The following DTX1 variants were observed in gnomAD, a reference collection of about 807,000 sequenced individuals.
DTX1 encodes deltex E3 ubiquitin ligase 1, also known as E3 ubiquitin-protein ligase DTX1.
A neutral mutation model predicts 57.8 loss-of-function variants in DTX1; 26 were observed. The observed-to-expected ratio is 0.45, with a 90% CI of 0.33 to 0.62. The LOEUF (loss-of-function observed/expected upper bound fraction) is 0.62. Among genes scored for constraint, DTX1 ranks in the 20% least tolerant of loss-of-function variants. The pLI, the probability that DTX1 is intolerant of heterozygous loss-of-function variation, is 0.02. For missense variants in DTX1, 704 were observed against 895.3 expected (o/e 0.79, Z 2.73); for synonymous variants, 398 against 394.1 (o/e 1.01, Z -0.12).
chr12:113,088,394 A>G (rs532177663), intron 3 of DTX1, among the ~76,000 whole-genome samples: 1 of 152,356 alleles, frequency 6.6e-6, no homozygotes. Flanking sequence ...GTATGCACTC[A>G]TATATTTGAC....
At chr12:113,068,753 C>T (rs1463545413) in intron 2 of DTX1, among the ~76,000 whole-genome samples, 2 of 152,152 alleles carry the variant, frequency 1.3e-5, no homozygotes, top group East Asian at 1.9e-4. Context: ...ATCCCCCCGG[C>T]GCCATGTGAG....
chr12:113,095,219 G>T lies in DTX1; in HGVS notation c.1548+16G>T. The T allele has an allele frequency of 6.2e-7, 1 of 1,603,516 alleles. No homozygotes were observed. The highest frequency in any genetic ancestry group is 1.1e-5 in the South Asian group (1 of 90,396). ...AGGCATCCAGGTGGGCTCCCCTTCC[G>T]CCTCTCTGGCCCCCAGCCCCCACAC... On this transcript the variant is annotated intron_variant, in intron 8 of 9. Coordinates refer to ENST00000548759, the MANE Select transcript of DTX1 (RefSeq NM_004416.3).
chr12:113,087,494 G>C (rs982877529), intron 3 of DTX1, among the ~76,000 whole-genome samples: 4 of 152,216 alleles, frequency 2.6e-5, no homozygotes, highest in South Asian at 2.1e-4. Context: ...CCAGGACTGT[G>C]GGGGGAGGAG....
rs1950314296 is a variant in DTX1 at position 113,097,254 on chromosome 12, T to C, written c.*315T>C. On this transcript the variant is annotated 3_prime_UTR_variant, in exon 10 of 10. Coordinates refer to ENST00000548759, the MANE Select transcript of DTX1 (RefSeq NM_004416.3). ...TCATGCACGCACACCCACGTGCCTG[T>C]ACTTGCCCCCAGGCTGGAAGAGAAG... is the stretch of plus-strand genomic sequence containing the variant. 1 of 309,952 alleles carries C rather than the reference T, an allele frequency of 3.2e-6. No individual in the cohort carries two copies. The highest frequency in any genetic ancestry group is 9.6e-4 in the Middle Eastern group (1 of 1,038). 19.2% of individuals were successfully genotyped at this position (309,952 alleles called of 1,614,324 possible).
intron 2 of DTX1, among the ~76,000 whole-genome samples, chr12:113,062,346 A>G (rs139246816): frequency 6.6e-6 from 1 of 152,360 alleles, no homozygotes; most frequent in Non-Finnish European, 1.5e-5. Flanking sequence ...AGCATAGACA[A>G]TATGTAAGTG....
rs573755099 is a variant in DTX1, at chr12:113,060,246, C to T, written c.259+1795C>T. On this transcript the variant is annotated intron_variant, in intron 2 of 9. Coordinates refer to ENST00000548759, the MANE Select transcript of DTX1 (RefSeq NM_004416.3). ...TTATTTATTGATCTCTGCTGTGTGT[C>T]AATTTCTGTGCTAAGCACTGGAGTA... is the stretch of plus-strand genomic sequence containing the variant. 4.6e-5 allele frequency among the ~76,000 whole-genome samples: 7 copies of T among 152,248 alleles called. No homozygotes were observed. In the South Asian group the frequency reaches 1.5e-3, roughly 32 times the overall value.
At chr12:113,086,491 G>C (rs1399879390) in intron 3 of DTX1, among the ~76,000 whole-genome samples, 1 of 152,144 alleles carries the variant, frequency 6.6e-6, no homozygotes, top group East Asian at 1.9e-4. Flanking sequence ...CTCTGCATGA[G>C]AAGGGAACCA....
At chr12:113,084,243 T>C (rs2044839236) in intron 3 of DTX1, among the ~76,000 whole-genome samples, 1 of 152,182 alleles carries the variant, frequency 6.6e-6, no homozygotes, top group Non-Finnish European at 1.5e-5. Context: ...GAGGGGTCAG[T>C]GTCCAGTGCG....
rs759055372 is a variant in DTX1 at position 113,096,929 on chromosome 12, C to G, written c.1853C>G (p.Ala618Gly). Residue 618 changes from alanine (A) to glycine (G), a missense_variant, in exon 10 of 10, where the codon GCC becomes GGC. Physicochemically the swap from Ala to Gly is moderately conservative, Grantham distance 60 (BLOSUM62 0). Transcript: ENST00000548759. ...LTAQGVSEAA[A>G]KA Reference sequence around the variant, plus strand: ...GCCCAGGGCGTATCCGAGGCTGCAGCCAAGGCTTGAGGCCCAAGGCTGCCC... The same window carrying G: ...GCCCAGGGCGTATCCGAGGCTGCAGGCAAGGCTTGAGGCCCAAGGCTGCCC... 3 of 1,610,520 alleles carry G rather than the reference C, an allele frequency of 1.9e-6. No individual in the cohort carries two copies. Among genetic ancestry groups the G allele is most frequent in the Non-Finnish European group, 2.5e-6 (3 of 1,179,648 alleles).
At chr12:113,073,584 G>A (rs1159642132) in intron 2 of DTX1, among the ~76,000 whole-genome samples, 1 of 152,112 alleles carries the variant, frequency 6.6e-6, no homozygotes, top group Non-Finnish European at 1.5e-5. Flanking sequence ...TCCGTGCCTC[G>A]ATTTCTCCAG....
At position 113,078,060 on chromosome 12, in the gene DTX1, C is replaced by T; in HGVS notation, c.896C>T (p.Pro299Leu). 2.2e-6 allele frequency: 3 copies of T among 1,388,564 alleles called. No individual in the cohort carries two copies. Among genetic ancestry groups the T allele is most frequent in the South Asian group, 1.5e-5 (1 of 65,426 alleles). The allele number at this position is 1,388,564 out of a possible 1,614,324, so 86.0% of individuals were successfully genotyped here. A position where few individuals can be genotyped will look rare whatever the true frequency, so the allele number is the denominator to read the frequency against. ...PGQNNLNRPGPQRTTSVSARA... is the reference protein window; with the variant it reads ...PGQNNLNRPGLQRTTSVSARA... ...CAGAACAACCTCAACCGGCCCGGGC[C>T]CCAGCGCACCACCAGCGTGAGCGCG... The change falls in exon 3 of 10, where the codon CCC becomes CTC. Residue 299 changes from proline to leucine, a missense_variant. Pro to Leu is a moderately conservative substitution (Grantham distance 98). This residue lies in a region of DTX1 where 299 missense variants were observed against 311.2 expected (regional missense o/e 0.96). Coordinates refer to ENST00000548759, the MANE Select transcript of DTX1 (RefSeq NM_004416.3).
At chr12:113,082,734 T>A (rs1339813504) in intron 3 of DTX1, among the ~76,000 whole-genome samples, 1 of 152,206 alleles carries the variant, frequency 6.6e-6, no homozygotes, top group Non-Finnish European at 1.5e-5. Context: ...TAGGTGGGAC[T>A]ACAGGCACGC....
chr12:113,069,722 C>T (rs1273874962), intron 2 of DTX1, among the ~76,000 whole-genome samples: 1 of 152,106 alleles, frequency 6.6e-6, no homozygotes, highest in Admixed American at 6.5e-5. Flanking sequence ...CCCATCTGTC[C>T]GATGGGGCTA....
rs769610375 is a variant in DTX1, at chr12:113,078,089, G to T, written c.925G>T (p.Ala309Ser). 7 of 1,397,134 alleles carry T rather than the reference G, an allele frequency of 5.0e-6. No homozygotes were observed. The highest frequency in any genetic ancestry group is 4.5e-5 in the African/African-American group (3 of 66,578). The allele number at this position is 1,397,134 out of a possible 1,614,324, so 86.5% of individuals were successfully genotyped here. A position where few individuals can be genotyped will look rare whatever the true frequency, so the allele number is the denominator to read the frequency against. ...GCGCACCACCAGCGTGAGCGCGCGC[G>T]CCTCCATCCCGCCGGGGTAAGACGG... ...PQRTTSVSAR[A>S]SIPPGVPALP... Residue 309 changes from alanine to serine, a missense_variant, in exon 3 of 10, where the codon GCC (alanine) becomes TCC (serine). Physicochemically the swap from Ala to Ser is moderately conservative, Grantham distance 99. This residue lies in a region of DTX1 where 299 missense variants were observed against 311.2 expected (regional missense o/e 0.96). Coordinates refer to ENST00000548759, the MANE Select transcript of DTX1 (RefSeq NM_004416.3).
At chr12:113,064,020 ACCCCTTC>A (rs2044687855) in intron 2 of DTX1, among the ~76,000 whole-genome samples, 2 of 151,642 alleles carry the variant, frequency 1.3e-5, no homozygotes, top group Non-Finnish European at 2.9e-5. Flanking sequence ...GGCTGAGAGA[ACCCCTTC>A]CCCCTTCCCC....
intron 2 of DTX1, among the ~76,000 whole-genome samples, chr12:113,059,702 T>C (rs1295574988): frequency 6.6e-6 from 1 of 152,206 alleles, no homozygotes; most frequent in Non-Finnish European, 1.5e-5. Flanking sequence ...GAAGTTCCTA[T>C]GAATCCCTGG....
intron 9 of DTX1, chr12:113,095,616 C>T (rs1950284399): frequency 4.7e-6 from 3 of 634,674 alleles, no homozygotes; most frequent in Non-Finnish European, 2.7e-6. Flanking sequence ...AGATCCTGAC[C>T]CCATTTTATA....
Position 113,077,686 on chromosome 12 carries a change from C to A in DTX1, c.522C>A (p.Asp174Glu), listed in dbSNP as rs1440804815. The change falls in exon 3 of 10, where the codon GAC becomes GAA. Residue 174 changes from aspartate (D) to glutamate (E), a missense_variant. Transcript: ENST00000548759. The surrounding 1 kb of genome is among the most constrained non-coding windows in gnomAD (Gnocchi z 7.8). Reference protein sequence around the residue: ...RRRRRLRRRLDLAYPLTVGSI... With the variant: ...RRRRRLRRRLELAYPLTVGSI... ...GCCGCCGCCTGCGCCGCCGCCTGGA[C>A]CTCGCCTACCCGCTCACCGTGGGCT... The A allele has an allele frequency of 1.3e-6, 2 of 1,555,576 alleles. No homozygotes were observed. The highest frequency in any genetic ancestry group is 2.7e-5 in the African/African-American group (2 of 73,024).
Position 113,058,270 on chromosome 12 carries a change from G to A in DTX1, c.78G>A (p.Val26=), listed in dbSNP as rs2136420672. ...GFPPQNVARV[V]VWEWLNEHSR... The stretch of plus-strand genomic sequence containing the variant: ...CACCGCAGAACGTGGCCCGGGTGGT[G>A]GTGTGGGAGTGGCTGAATGAGCACA... Residue 26 remains valine, a synonymous_variant, in exon 2 of 10, where the codon GTG becomes GTA. Transcript: ENST00000548759. 6.2e-7 allele frequency: 1 copy of A among 1,613,776 alleles called. No individual in the cohort carries two copies. The highest frequency in any genetic ancestry group is 1.3e-5 in the African/African-American group (1 of 75,054).
Sources: allele counts gnomAD v4.1 joint callset (sites outside exome capture counted in the v4.1 genomes callset), GRCh38; gene constraint gnomAD v4.1.1; regional missense constraint gnomAD v4.1.1; non-coding constraint Gnocchi (gnomAD v3.1); transcripts MANE v1.5; gene names NCBI Gene and HGNC (gene_info 2026-07-23, HGNC 2026-07-21).